Variants in OMA1 observed in about 807,000 individuals in gnomAD.
OMA1 encodes the protein OMA1 zinc metallopeptidase, also known as metalloendopeptidase OMA1, mitochondrial.
In OMA1, 38 loss-of-function variants were observed where a neutral mutation model predicts 30.9. The observed-to-expected ratio is 1.23, with a 90% CI of 0.95 to 1.61. The LOEUF (loss-of-function observed/expected upper bound fraction) is 1.61, where lower values mean the gene tolerates loss of function less well. Ranked by LOEUF, OMA1 falls within the 40% of genes most tolerant of loss-of-function variation. The pLI, the probability that OMA1 is intolerant of heterozygous loss-of-function variation, is 0.00. For missense variants in OMA1, 461 were observed against 349.2 expected, an observed-to-expected ratio of 1.32 and a Z score of -2.55; for synonymous variants, 173 against 121.9, an observed-to-expected ratio of 1.42 and a Z score of -2.76.
intron 8 of OMA1, among the ~76,000 whole-genome samples, chr1:58,489,804 C>G (rs1246249489): frequency 6.6e-6 from 1 of 152,112 alleles, no homozygotes; most frequent in Non-Finnish European, 1.5e-5. Flanking sequence ...TGTTCTGCAG[C>G]CTCCGCTGCT....
chr1:58,501,637 A>T (rs1471891301), intron 8 of OMA1, among the ~76,000 whole-genome samples: 1 of 152,144 alleles, frequency 6.6e-6, no homozygotes, highest in East Asian at 1.9e-4. Flanking sequence ...ATCTGTGTTC[A>T]AGTGTCAGCT....
rs1052371295 is a variant in OMA1 at position 58,546,721 on chromosome 1, G to C, written c.-35C>G. 1.3e-5 allele frequency: 2 copies of C among 152,190 alleles called. No individual in the cohort carries two copies. The highest frequency in any genetic ancestry group is 4.8e-5 in the African/African-American group (2 of 41,382). 9.4% of individuals were successfully genotyped at this position (152,190 alleles called of 1,614,324 possible). ...GACTGACTCAAGCAGAAGCGAAAGC[G>C]GTGACACCGCAGACCCGACCTATGC... On this transcript the variant is annotated 5_prime_UTR_variant, in exon 1 of 9. Coordinates refer to ENST00000371226, the MANE Select transcript of OMA1 (RefSeq NM_145243.5).
chr1:58,492,249 A>G (rs1006102131), intron 8 of OMA1, among the ~76,000 whole-genome samples: 9 of 152,274 alleles, frequency 5.9e-5, no homozygotes, highest in East Asian at 3.9e-4. Context: ...AGAATCTCTG[A>G]GACACATTCA....
chr1:58,493,102 C>T (rs1377431781), intron 8 of OMA1, among the ~76,000 whole-genome samples: 1 of 152,198 alleles, frequency 6.6e-6, no homozygotes, highest in Non-Finnish European at 1.5e-5. Context: ...GGATGCAAGG[C>T]TGGTTCAACA....
chr1:58,532,284 T>C (rs1472300044), intron 5 of OMA1, among the ~76,000 whole-genome samples: 3 of 152,192 alleles, frequency 2.0e-5, no homozygotes, highest in African/African-American at 7.2e-5. Context: ...AAGGCTGCTG[T>C]TTGCTTTTTA....
In OMA1 at chr1:58,530,624, A is replaced by C; in HGVS notation, c.1117T>G (p.Trp373Gly). The change falls in exon 6 of 9, where the codon TGG (tryptophan) becomes GGG (glycine). Residue 373 changes from tryptophan to glycine, a missense_variant. Transcript: ENST00000371226. ...PRDSLALLCQWIQSKLQEYMF... is the reference protein window; with the variant it reads ...PRDSLALLCQGIQSKLQEYMF... Reference sequence around the variant, plus strand: ...ACCTCCTGCAATTTAGACTGTATCCACTGGCACAAAAGTGCCAAGCTATCT... The same window carrying C: ...ACCTCCTGCAATTTAGACTGTATCCCCTGGCACAAAAGTGCCAAGCTATCT... The C allele has an allele frequency of 5.7e-6, 5 of 872,734 alleles. No individual in the cohort carries two copies. The highest frequency in any genetic ancestry group is 1.0e-5 in the Non-Finnish European group (5 of 501,536). The allele number at this position is 872,734 out of a possible 1,614,324, so 54.1% of individuals were successfully genotyped here. A position where few individuals can be genotyped will look rare whatever the true frequency, so the allele number is the denominator to read the frequency against.
chr1:58,534,208 A>G lies in OMA1; in HGVS notation c.853T>C (p.Trp285Arg), dbSNP rs372804595. 3 of 871,876 alleles carry G rather than the reference A, an allele frequency of 3.4e-6. No individual in the cohort carries two copies. The highest frequency in any genetic ancestry group is 6.0e-6 in the Non-Finnish European group (3 of 501,468). 54.0% of individuals were successfully genotyped at this position (871,876 alleles called of 1,614,324 possible). A position where few individuals can be genotyped will look rare whatever the true frequency, so the allele number is the denominator to read the frequency against. ...GGGGAATCAACCACATGAATAACCC[A>G]ATTGATCTGAGAGATCCCTGGAACA... ...KDVPGISQIN[W>R]VIHVVDSPII... Residue 285 changes from tryptophan (W) to arginine (R), a missense_variant, in exon 4 of 9, where the codon TGG becomes CGG. Coordinates refer to ENST00000371226, the MANE Select transcript of OMA1 (RefSeq NM_145243.5).
At position 58,502,657 on chromosome 1, in the gene OMA1, T is replaced by C. The variant is rs184556008; in HGVS notation, c.1365+3403A>G. 8.5e-5 allele frequency among the ~76,000 whole-genome samples: 13 copies of C among 152,354 alleles called. No individual in the cohort carries two copies. The East Asian group carries it at 2.5e-3, about 29-fold the overall frequency. ...GTATACAGACTCACATAATTCTATA[T>C]ACTGCCTGAGAAACTGCCTTCTTTC... On this transcript the variant is annotated intron_variant, in intron 8 of 8. Coordinates refer to ENST00000371226, the MANE Select transcript of OMA1 (RefSeq NM_145243.5).
intron 1 of OMA1, among the ~76,000 whole-genome samples, chr1:58,543,975 G>C (rs140689296): frequency 9.6e-4 from 146 of 152,310 alleles, no homozygotes; most frequent in African/African-American, 3.4e-3. Context: ...TATGTGGCTA[G>C]TGTCTACTGT....
chr1:58,534,322 C>A lies in OMA1; in HGVS notation c.739G>T (p.Glu247Ter), dbSNP rs769815204. ...TCAGTTAGCATATCATTTTTAAATT[C>A]TTCCATCCACTGAAAGATTAAAAAT... is the stretch of plus-strand genomic sequence containing the variant. ...SELEYEAWME[E>*]FKNDMLTEKD... is the part of the protein sequence containing the mutation. The change falls in exon 4 of 9, where the codon GAA becomes TAA. Residue 247 changes from glutamate to a stop codon, truncating the protein, a stop_gained. Coordinates refer to ENST00000371226, the MANE Select transcript of OMA1 (RefSeq NM_145243.5). LOFTEE classifies it high-confidence loss of function. 1.2e-6 allele frequency: 1 copy of A among 847,730 alleles called. No homozygotes were observed. The highest frequency in any genetic ancestry group is 1.4e-5 in the South Asian group (1 of 71,180). 52.5% of individuals were successfully genotyped at this position (847,730 alleles called of 1,614,324 possible).
intron 5 of OMA1, among the ~76,000 whole-genome samples, chr1:58,530,961 G>T (rs1350608379): frequency 6.6e-6 from 1 of 151,938 alleles, no homozygotes; most frequent in Non-Finnish European, 1.5e-5. Flanking sequence ...CTTACTATTA[G>T]TCAGAGGATA....
At position 58,483,882 on chromosome 1, in the gene OMA1, T is replaced by C. The variant is rs1007606396; in HGVS notation, c.1366-2708A>G. Among the ~76,000 whole-genome samples, 4 of 152,222 alleles carry C rather than the reference T, an allele frequency of 2.6e-5. 1 individual carries two copies. The highest frequency in any genetic ancestry group is 2.6e-4 in the Admixed American group (4 of 15,284). On this transcript the variant is annotated intron_variant, in intron 8 of 8. Coordinates refer to ENST00000371226, the MANE Select transcript of OMA1 (RefSeq NM_145243.5). ...TCCCAAGTGAGAAGTTTACCTGTCA[T>C]GGCTGCTATATCAGTGTAGTGCCTA...
At chr1:58,489,644 C>G (rs1178966024) in intron 8 of OMA1, among the ~76,000 whole-genome samples, 1 of 152,188 alleles carries the variant, frequency 6.6e-6, no homozygotes, top group Admixed American at 6.5e-5. Flanking sequence ...AGACTGCCTC[C>G]TCAAGTGGGT....
intron 7 of OMA1, among the ~76,000 whole-genome samples, chr1:58,513,174 CTGAG>C (rs1212238954): frequency 6.6e-6 from 1 of 152,118 alleles, no homozygotes; most frequent in Non-Finnish European, 1.5e-5. Flanking sequence ...TCTCGTGATA[CTGAG>C]TGAGTTCTCA....
rs149234195 is a variant in OMA1, at chr1:58,526,154, T to A, written c.1215+1107A>T. ...AACATATAGGGAAAATCTGACAGACTGGAGTACATGAAAATTAGGAAATTC... is the reference window on the plus strand; with the variant it reads ...AACATATAGGGAAAATCTGACAGACAGGAGTACATGAAAATTAGGAAATTC... On this transcript the variant is annotated intron_variant, in intron 7 of 8. Coordinates refer to ENST00000371226, the MANE Select transcript of OMA1 (RefSeq NM_145243.5). Among the ~76,000 whole-genome samples the A allele has an allele frequency of 6.0e-3, 907 of 152,206 alleles. 10 individuals are homozygous for A. The highest frequency in any genetic ancestry group is 0.021 in the African/African-American group (872 of 41,558).
At chr1:58,493,216 GC>G (rs1190726494) in intron 8 of OMA1, among the ~76,000 whole-genome samples, 3 of 151,910 alleles carry the variant, frequency 2.0e-5, no homozygotes, top group African/African-American at 4.8e-5. Flanking sequence ...AAATTCAACA[GC>G]CCTTCATGCT....
chr1:58,495,903 C>G (rs1645792885), intron 8 of OMA1, among the ~76,000 whole-genome samples: 1 of 151,992 alleles, frequency 6.6e-6, no homozygotes, highest in Admixed American at 6.6e-5. Context: ...GCCTTTTTAC[C>G]TAGGTAGCTT....
rs11808384 is a variant in OMA1 at position 58,528,614 on chromosome 1, T to C, written c.1141-1279A>G. Among the ~76,000 whole-genome samples the C allele has an allele frequency of 1.1e-3, 163 of 152,286 alleles. 2 individuals are homozygous for C. In the East Asian group the frequency reaches 0.025, roughly 23 times the overall value. On this transcript the variant is annotated intron_variant, in intron 6 of 8. Transcript: ENST00000371226. ...GGGTCAGAAATGCTACTAAACATCC[T>C]ACAGTGCACAGGACAACTCCCCCAC...
intron 6 of OMA1, among the ~76,000 whole-genome samples, chr1:58,529,504 A>T (rs17117647): frequency 0.12 from 17,695 of 152,262 alleles, 1,219 homozygotes; most frequent in African/African-American, 0.18. Flanking sequence ...TAAAAACAAA[A>T]GTTAACAAAC....
Sources: allele counts gnomAD v4.1 joint callset (sites outside exome capture counted in the v4.1 genomes callset), GRCh38; gene constraint gnomAD v4.1.1; transcripts MANE v1.5; gene names NCBI Gene and HGNC (gene_info 2026-07-23, HGNC 2026-07-21).